GRM5: variants seen among roughly 807,000 people sequenced by gnomAD.
The protein encoded by GRM5 is metabotropic glutamate receptor 5.
In GRM5, 19 loss-of-function variants were observed where a neutral mutation model predicts 83.1. The ratio of observed to expected loss-of-function variants is 0.23; its 90% confidence interval spans 0.16 to 0.34. GRM5 has a LOEUF of 0.34. Among genes scored for constraint, GRM5 ranks in the 10% least tolerant of loss-of-function variants. The probability of loss-of-function intolerance (pLI) is 1.00; values close to 1 mark genes in which losing one functional copy is unlikely to be tolerated. For synonymous variants in GRM5, 675 were observed against 633.6 expected (o/e 1.07, Z -0.98); for missense variants, 1,160 against 1,588.3 (o/e 0.73, Z 4.58).
chr11:88,692,591 T>A (rs1454720532), intron 3 of GRM5, among the ~76,000 whole-genome samples: 1 of 152,184 alleles, frequency 6.6e-6, no homozygotes, highest in Non-Finnish European at 1.5e-5. Flanking sequence ...AAGCTCAAGC[T>A]CTTAAAATGC....
At position 88,512,322 on chromosome 11, in the gene GRM5, A is replaced by C. The variant is rs1363581988; in HGVS notation, c.2727-2818T>G. 1.2e-4 allele frequency: 19 copies of C among 154,422 alleles called. No homozygotes were observed. The Admixed American group carries it at 1.2e-3, about 10-fold the overall frequency. The allele number at this position is 154,422 out of a possible 1,614,324, so 9.6% of individuals were successfully genotyped here. On this transcript the variant is annotated intron_variant, in intron 9 of 9. Transcript: ENST00000305447. ...CGTGAAAGTGGACACAGGAAACACC[A>C]GACACCCAGAGAAATGGAGTCCAAA...
intron 2 of GRM5, among the ~76,000 whole-genome samples, chr11:88,922,068 T>C (rs1431572276): frequency 1.3e-5 from 2 of 152,050 alleles, no homozygotes; most frequent in Admixed American, 6.6e-5. Context: ...CTAAAAAGCA[T>C]TGATGCAAGA....
chr11:88,728,048 G>A (rs369194856), intron 3 of GRM5, among the ~76,000 whole-genome samples: 5 of 152,144 alleles, frequency 3.3e-5, no homozygotes, highest in African/African-American at 1.2e-4. Context: ...AAAGGAGATA[G>A]AGACATGAAA....
chr11:88,708,238 A>G (rs1941204395), intron 3 of GRM5, among the ~76,000 whole-genome samples: 1 of 152,044 alleles, frequency 6.6e-6, no homozygotes, highest in Non-Finnish European at 1.5e-5. Context: ...TTTATTGCAA[A>G]AATACTTTAG....
At chr11:88,712,264 T>C (rs902995103) in intron 3 of GRM5, among the ~76,000 whole-genome samples, 1 of 152,052 alleles carries the variant, frequency 6.6e-6, no homozygotes, top group Admixed American at 6.6e-5. Context: ...TGTTGAATAT[T>C]TGAATCACCA....
chr11:88,983,551 G>C (rs1364204041), intron 2 of GRM5, among the ~76,000 whole-genome samples: 1 of 152,130 alleles, frequency 6.6e-6, no homozygotes, highest in African/African-American at 2.4e-5. Flanking sequence ...TGTGCTGCCA[G>C]TCTCACAAAA....
At chr11:88,626,068 C>T (rs941829706) in intron 4 of GRM5, among the ~76,000 whole-genome samples, 1 of 152,100 alleles carries the variant, frequency 6.6e-6, no homozygotes, top group African/African-American at 2.4e-5. Context: ...CACAGACATA[C>T]TTCTTGGCCA....
At chr11:88,590,574 A>G (rs1218075548) in intron 7 of GRM5, 27 bp downstream of exon 7, 30 of 1,600,538 alleles carry the variant, frequency 1.9e-5, no homozygotes, top group Non-Finnish European at 2.5e-5. Flanking sequence ...CAGTTAATTT[A>G]TATGTGGTGA....
chr11:88,509,325 C>T lies in GRM5; in HGVS notation c.2906G>A (p.Gly969Glu). 1 of 1,596,068 alleles carries T rather than the reference C, an allele frequency of 6.3e-7. No individual in the cohort carries two copies. Among genetic ancestry groups the T allele is most frequent in the East Asian group, 2.3e-5 (1 of 42,940 alleles). The change falls in exon 10 of 10, where the codon GGG (glycine) becomes GAG (glutamate). Residue 969 changes from glycine (G) to glutamate (E), a missense_variant. By Grantham distance (98) the Gly-to-Glu change is moderately conservative. Transcript: ENST00000305447. ...CGTGGCCCCCACGCCCCCAGCGCTC[C>T]CGCCTGCGCCAGCGCCAGCGCCCAG... is the stretch of plus-strand genomic sequence containing the variant. Reference protein sequence around the residue: ...RGLGAGAGAGGSAGGVGATGG... With the variant: ...RGLGAGAGAGESAGGVGATGG...
intron 3 of GRM5, among the ~76,000 whole-genome samples, chr11:88,691,041 C>T (rs1732722455): frequency 6.6e-6 from 1 of 152,144 alleles, no homozygotes; most frequent in Non-Finnish European, 1.5e-5. Flanking sequence ...TTAAGGTCTT[C>T]TGTAAATAAG....
At chr11:88,675,799 T>C (rs914812605) in intron 3 of GRM5, among the ~76,000 whole-genome samples, 3 of 152,038 alleles carry the variant, frequency 2.0e-5, no homozygotes, top group African/African-American at 4.8e-5. Context: ...AGACGTGTAA[T>C]AGGCATTCTG....
At chr11:88,848,684 A>G (rs1330261301) in intron 3 of GRM5, among the ~76,000 whole-genome samples, 5 of 152,224 alleles carry the variant, frequency 3.3e-5, no homozygotes, top group Admixed American at 6.5e-5. Context: ...CACACATTCA[A>G]AACTACGATG....
At chr11:88,870,413 G>A (rs1046699783) in intron 2 of GRM5, among the ~76,000 whole-genome samples, 1 of 150,082 alleles carries the variant, frequency 6.7e-6, no homozygotes, top group African/African-American at 2.4e-5. Flanking sequence ...GAGATCCATT[G>A]AGAAGCTACT....
chr11:89,038,901 T>A (rs533131148), intron 2 of GRM5, among the ~76,000 whole-genome samples: 4 of 152,334 alleles, frequency 2.6e-5, no homozygotes. Context: ...CACTCTTTAC[T>A]TGTCCATTCT....
chr11:88,679,015 G>C (rs1940408334), intron 3 of GRM5, among the ~76,000 whole-genome samples: 1 of 152,112 alleles, frequency 6.6e-6, no homozygotes, highest in Admixed American at 6.6e-5. Flanking sequence ...AAAGAGTTTA[G>C]TTTTCATCCG....
chr11:88,838,868 T>TACACACACACAC (rs59388840), intron 3 of GRM5, among the ~76,000 whole-genome samples: 24 of 144,748 alleles, frequency 1.7e-4, no homozygotes, highest in Non-Finnish European at 2.7e-4. Flanking sequence ...CCCCTTATGC[T>TACACACACACAC]ACACACACAC....
At chr11:89,041,249 A>G (rs954181089) in intron 2 of GRM5, among the ~76,000 whole-genome samples, 2 of 152,222 alleles carry the variant, frequency 1.3e-5, no homozygotes, top group African/African-American at 2.4e-5. Context: ...AGTGTCCACA[A>G]TTGCACATCA....
chr11:89,041,727 A>G lies in GRM5; in HGVS notation c.661+5485T>C, dbSNP rs1941539642. ...TTTCTGACAGTGATATATGAATATGAAAAACTGTTTCTTTACAATTAGAGT... is the reference window on the plus strand; with the variant it reads ...TTTCTGACAGTGATATATGAATATGGAAAACTGTTTCTTTACAATTAGAGT... On this transcript the variant is annotated intron_variant, in intron 2 of 9. Coordinates refer to ENST00000305447, the MANE Select transcript of GRM5 (RefSeq NM_001143831.3). Among the ~76,000 whole-genome samples, 2 of 152,168 alleles carry G rather than the reference A, an allele frequency of 1.3e-5. 1 individual carries two copies. Among genetic ancestry groups the G allele is most frequent in the Admixed American group, 1.3e-4 (2 of 15,272 alleles).
chr11:89,053,139 A>C (rs1271069664), intron 1 of GRM5, among the ~76,000 whole-genome samples: 1 of 152,174 alleles, frequency 6.6e-6, no homozygotes, highest in Non-Finnish European at 1.5e-5. Flanking sequence ...TTGCCTTTCA[A>C]ACTATACATT....
Sources: gnomAD v4.1 joint callset for allele counts (sites outside exome capture counted in the v4.1 genomes callset) on GRCh38, gnomAD v4.1.1 for gene constraint, MANE v1.5 for transcripts, NCBI Gene and HGNC (gene_info 2026-07-23, HGNC 2026-07-21) for gene names.